Variants in RYR2 observed in about 807,000 individuals in gnomAD.
The protein encoded by RYR2 is cardiac muscle ryanodine receptor-calcium release channel.
RYR2 carries 227 observed loss-of-function variants against 601.1 expected under a neutral mutation model. The observed-to-expected ratio is 0.38, with a 90% CI of 0.34 to 0.42. The LOEUF (loss-of-function observed/expected upper bound fraction) is 0.42, where lower values mean the gene tolerates loss of function less well. Ranked by LOEUF, RYR2 falls within the 10% of genes least tolerant of loss-of-function variation. The pLI, the probability that RYR2 is intolerant of heterozygous loss-of-function variation, is 1.00. For missense variants in RYR2, 4,646 were observed against 6,156.5 expected, an observed-to-expected ratio of 0.75 and a Z score of 8.21; for synonymous variants, 2,223 against 2,175.1, an observed-to-expected ratio of 1.02 and a Z score of -0.61.
intron 5 of RYR2, among the ~76,000 whole-genome samples, chr1:237,366,441 G>A (rs1408030331): frequency 6.6e-6 from 1 of 151,986 alleles, no homozygotes; most frequent in African/African-American, 2.4e-5. Context: ...TTGCTCTGTT[G>A]CCCAGGCTGG....
At chr1:237,176,309 T>A (rs994934821) in intron 1 of RYR2, among the ~76,000 whole-genome samples, 1 of 147,744 alleles carries the variant, frequency 6.8e-6, no homozygotes, top group African/African-American at 2.5e-5. Context: ...TATATTTTTT[T>A]ATTAACTCTG....
chr1:237,828,302 T>A, intron 101 of RYR2, 79 bp from the exon 102 acceptor site: 1 of 1,011,996 alleles, frequency 9.9e-7, no homozygotes, highest in South Asian at 1.5e-5. Flanking sequence ...ACATCTCCCC[T>A]TTCCCTGGGG....
rs113078942 is a variant in RYR2 at position 237,102,311 on chromosome 1, G to A, written c.48+59742G>A. ...AGGTGCTGGTGAGGGTGGTGGAGAG[G>A]CATCCAGGAAGGTTGAAAATATATT... is the stretch of plus-strand genomic sequence containing the variant. On this transcript the variant is annotated intron_variant, in intron 1 of 104. Transcript: ENST00000366574. 3.4e-3 allele frequency among the ~76,000 whole-genome samples: 513 copies of A among 152,234 alleles called. 1 individual carries two copies. Among genetic ancestry groups the A allele is most frequent in the African/African-American group, 0.011 (466 of 41,534 alleles).
chr1:237,626,580 CTTTTTTTTTTTTTTTTTTT>C (rs60885998), intron 40 of RYR2, among the ~76,000 whole-genome samples: 1 of 40,044 alleles, frequency 2.5e-5, no homozygotes, highest in East Asian at 1.0e-3. Context: ...TTTTCTTTTT[CTTTTTTTTTTTTTTTTTTT>C]TTTTTTTTTT....
chr1:237,079,760 C>G (rs946169141), intron 1 of RYR2, among the ~76,000 whole-genome samples: 6 of 142,908 alleles, frequency 4.2e-5, no homozygotes, highest in African/African-American at 1.8e-4. Context: ...CCTTTCTTCA[C>G]AGAATTGGAA....
At chr1:237,355,781 C>A (rs964812700) in intron 3 of RYR2, among the ~76,000 whole-genome samples, 184 bp from the exon 4 acceptor site, 1 of 151,984 alleles carries the variant, frequency 6.6e-6, no homozygotes, top group Non-Finnish European at 1.5e-5. Context: ...TAACTGAATT[C>A]TTTTTGTTTG....
At chr1:237,446,439 A>G (rs1404402174) in intron 14 of RYR2, among the ~76,000 whole-genome samples, 2 of 152,010 alleles carry the variant, frequency 1.3e-5, no homozygotes, top group Non-Finnish European at 2.9e-5. Flanking sequence ...AGCTTTTGTT[A>G]TGTTTAGAGA....
intron 10 of RYR2, among the ~76,000 whole-genome samples, chr1:237,403,685 C>G (rs1703597683): frequency 6.6e-6 from 1 of 152,184 alleles, no homozygotes; most frequent in Admixed American, 6.5e-5. Flanking sequence ...CTTGGCCTCC[C>G]AAAGTGCTGG....
intron 1 of RYR2, among the ~76,000 whole-genome samples, chr1:237,172,209 A>G (rs1027221582): frequency 4.6e-5 from 7 of 152,242 alleles, no homozygotes; most frequent in Non-Finnish European, 1.0e-4. Context: ...AGGTGAATTT[A>G]ATCAGTAAGC....
chr1:237,786,896 T>C (rs1444926774), intron 91 of RYR2, among the ~76,000 whole-genome samples: 1 of 152,166 alleles, frequency 6.6e-6, no homozygotes, highest in Non-Finnish European at 1.5e-5. Flanking sequence ...TCTCACACTA[T>C]TGGGTCAGTT....
Position 237,055,143 on chromosome 1 carries a change from C to A in RYR2, c.48+12574C>A, listed in dbSNP as rs141908291. Among the ~76,000 whole-genome samples the A allele has an allele frequency of 5.8e-3, 880 of 152,230 alleles. 14 individuals are homozygous for A. Among genetic ancestry groups the A allele is most frequent in the African/African-American group, 0.02 (817 of 41,506 alleles). On this transcript the variant is annotated intron_variant, in intron 1 of 104. Transcript: ENST00000366574. ...GTTAAACCCTTGAGAGTGCCATTCC[C>A]TTCCTTGATGAGACCCTGATGCGAA...
intron 14 of RYR2, among the ~76,000 whole-genome samples, chr1:237,449,565 C>G (rs1341857120): frequency 1.3e-5 from 2 of 151,278 alleles, no homozygotes; most frequent in African/African-American, 4.8e-5. Flanking sequence ...TTCTAGTGCT[C>G]TTTTTGTGTG....
intron 1 of RYR2, among the ~76,000 whole-genome samples, chr1:237,119,372 T>C (rs2485566): frequency 0.049 from 7,393 of 152,264 alleles, 206 homozygotes; most frequent in African/African-American, 0.061. Context: ...TTGGTTAAGA[T>C]GGTCAGAGCA....
intron 1 of RYR2, among the ~76,000 whole-genome samples, chr1:237,219,053 C>T (rs1399310053): frequency 6.7e-6 from 1 of 148,242 alleles, no homozygotes; most frequent in Non-Finnish European, 1.5e-5. Context: ...CACTCTGTCA[C>T]CCAGGCTGGA....
At chr1:237,324,423 C>T (rs533067626) in intron 2 of RYR2, among the ~76,000 whole-genome samples, 2 of 152,158 alleles carry the variant, frequency 1.3e-5, no homozygotes, top group African/African-American at 4.8e-5. Flanking sequence ...AGCAGATGGG[C>T]GCCTAAGCAA....
In RYR2 at chr1:237,180,612, A is replaced by T. The variant is rs1012734151; in HGVS notation, c.49-89885A>T. ...TGTATATATAAGTATATATATGTATATATGTATATATGTATATGTGTATAT... is the reference window on the plus strand; with the variant it reads ...TGTATATATAAGTATATATATGTATTTATGTATATATGTATATGTGTATAT... On this transcript the variant is annotated intron_variant, in intron 1 of 104. Transcript: ENST00000366574. The surrounding 1 kb of genome is among the most constrained non-coding windows in gnomAD (Gnocchi z 5.3). Among the ~76,000 whole-genome samples the T allele has an allele frequency of 4.7e-5, 2 of 42,750 alleles. No homozygotes were observed. The highest frequency in any genetic ancestry group is 8.3e-5 in the Non-Finnish European group (2 of 24,104). The allele number at this position is 42,750 out of a possible 152,430, so 28.0% of individuals were successfully genotyped here.
intron 65 of RYR2, 61 bp downstream of exon 65, chr1:237,700,528 C>A: frequency 2.5e-6 from 2 of 813,094 alleles, no homozygotes; most frequent in South Asian, 1.8e-5. Flanking sequence ...GTAGTACAAT[C>A]AAAAACAGTA....
At chr1:237,537,507 A>G (rs985230135) in intron 25 of RYR2, among the ~76,000 whole-genome samples, 4 of 152,000 alleles carry the variant, frequency 2.6e-5, no homozygotes, top group Admixed American at 6.6e-5. Flanking sequence ...TAGAGACGGG[A>G]TTTCACCATG....
intron 1 of RYR2, among the ~76,000 whole-genome samples, chr1:237,112,571 CA>C (rs11419585): frequency 0.03 from 4,063 of 137,146 alleles, 116 homozygotes; most frequent in African/African-American, 0.072. Flanking sequence ...GCTACAACAT[CA>C]AAAAAAAAAA....
Sources: gnomAD v4.1 joint callset for allele counts (sites outside exome capture counted in the v4.1 genomes callset) on GRCh38, gnomAD v4.1.1 for gene constraint, Gnocchi (gnomAD v3.1) non-coding constraint, MANE v1.5 for transcripts, NCBI Gene and HGNC (gene_info 2026-07-23, HGNC 2026-07-21) for gene names.